The following CLUL1 variants were observed in gnomAD, a reference collection of about 807,000 sequenced individuals.
CLUL1 encodes the protein clusterin-like protein 1.
In CLUL1, 43 loss-of-function variants were observed where a neutral mutation model predicts 49.4. The observed-to-expected ratio is 0.87, with a 90% CI of 0.68 to 1.12. CLUL1 has a LOEUF of 1.12. CLUL1 is among the 50% of genes most tolerant of loss of function. The pLI is 0.00. For synonymous variants in CLUL1, 192 were observed against 184.9 expected (o/e 1.04, Z -0.31); for missense variants, 486 against 544.4 (o/e 0.89, Z 1.07).
chr18:636,720 G>C (rs1260994355), intron 7 of CLUL1, among the ~76,000 whole-genome samples: 1 of 147,628 alleles, frequency 6.8e-6, no homozygotes, highest in East Asian at 2.0e-4. Context: ...CCACTTCCCA[G>C]GTTCAAGTGA....
chr18:645,922 C>T (rs1279477254), intron 9 of CLUL1, among the ~76,000 whole-genome samples: 3 of 135,482 alleles, frequency 2.2e-5, no homozygotes, highest in African/African-American at 8.2e-5. Flanking sequence ...ACACTCAATA[C>T]ATTTTATGAA....
intron 7 of CLUL1, among the ~76,000 whole-genome samples, chr18:639,037 A>C (rs954301203): frequency 6.6e-6 from 1 of 152,200 alleles, no homozygotes; most frequent in African/African-American, 2.4e-5. Flanking sequence ...TCATGTGCCT[A>C]TATACATATA....
At chr18:601,508 G>C (rs578152240) in intron 1 of CLUL1, among the ~76,000 whole-genome samples, 2 of 152,104 alleles carry the variant, frequency 1.3e-5, no homozygotes, top group African/African-American at 4.8e-5. Context: ...TTAGTTGTGC[G>C]TGGTGAAGTG....
At chr18:600,422 A>G (rs1567952522) in intron 1 of CLUL1, among the ~76,000 whole-genome samples, 5 of 152,196 alleles carry the variant, frequency 3.3e-5, no homozygotes, top group African/African-American at 1.2e-4. Context: ...ATTGTTCTCA[A>G]CCATTTTCTC....
intron 7 of CLUL1, among the ~76,000 whole-genome samples, chr18:637,628 GCT>G (rs1394647334): frequency 6.6e-6 from 1 of 152,116 alleles, no homozygotes; most frequent in East Asian, 1.9e-4. Flanking sequence ...GCTCCAGGTA[GCT>G]CTGATTACAA....
At chr18:610,554 G>GGT (rs1294290784) in intron 2 of CLUL1, among the ~76,000 whole-genome samples, 1 of 152,142 alleles carries the variant, frequency 6.6e-6, no homozygotes, top group African/African-American at 2.4e-5. Flanking sequence ...TGTGGTTCCA[G>GGT]GTAACTTCAT....
At chr18:636,091 TATC>T (rs1215982696) in intron 7 of CLUL1, among the ~76,000 whole-genome samples, 4 of 152,204 alleles carry the variant, frequency 2.6e-5, no homozygotes, top group African/African-American at 9.7e-5. Flanking sequence ...GCTTTTAAAG[TATC>T]ATTAGATACA....
intron 7 of CLUL1, among the ~76,000 whole-genome samples, chr18:637,512 G>A (rs1279081010): frequency 6.6e-6 from 1 of 152,062 alleles, no homozygotes; most frequent in African/African-American, 2.4e-5. Context: ...CATCCCTCTT[G>A]TGCAAATTTT....
intron 2 of CLUL1, among the ~76,000 whole-genome samples, chr18:614,955 C>T (rs9946446): frequency 0.098 from 14,881 of 152,272 alleles, 972 homozygotes; most frequent in African/African-American, 0.18. Context: ...TATGGCCATG[C>T]ATCTAAGATG....
rs554080203 is a variant in CLUL1, at chr18:599,015, G to C, written c.-136+1886G>C. ...GAGAAATGAGTACAATTATTAGCTA[G>C]TACCATTCAACAAGCGCTAAAGATA... On this transcript the variant is annotated intron_variant, in intron 1 of 9. Transcript: ENST00000692774. Among the ~76,000 whole-genome samples, 8 of 152,196 alleles carry C rather than the reference G, an allele frequency of 5.3e-5. No individual in the cohort carries two copies. In the South Asian group the frequency reaches 8.3e-4, roughly 16 times the overall value.
At chr18:599,904 C>T (rs543539526) in intron 1 of CLUL1, among the ~76,000 whole-genome samples, 3 of 151,038 alleles carry the variant, frequency 2.0e-5, no homozygotes, top group African/African-American at 7.3e-5. Flanking sequence ...GCCGAGATCG[C>T]GCCACTGCAC....
intron 2 of CLUL1, among the ~76,000 whole-genome samples, chr18:608,776 C>T (rs577602688): frequency 1.3e-5 from 2 of 152,194 alleles, no homozygotes; most frequent in Non-Finnish European, 1.5e-5. Flanking sequence ...CAATCTGTCT[C>T]CTTTGGCCTG....
intron 5 of CLUL1, among the ~76,000 whole-genome samples, chr18:625,918 T>A (rs2073674587): frequency 6.6e-6 from 1 of 152,218 alleles, no homozygotes; most frequent in Admixed American, 6.5e-5. Context: ...AGAGCTACTG[T>A]CGCCTGCTAA....
At chr18:644,797 C>A in intron 8 of CLUL1, 113 bp from the exon 9 acceptor site, 1 of 683,266 alleles carries the variant, frequency 1.5e-6, no homozygotes, top group Non-Finnish European at 2.4e-6. Context: ...AATGCCAGGA[C>A]TAATCTGTTA....
intron 7 of CLUL1, among the ~76,000 whole-genome samples, chr18:634,498 C>A (rs1791476100): frequency 1.3e-5 from 2 of 151,926 alleles, no homozygotes; most frequent in South Asian, 4.1e-4. Flanking sequence ...CCTAATTGTT[C>A]TTGTGATTTT....
intron 2 of CLUL1, among the ~76,000 whole-genome samples, chr18:614,171 G>C (rs1013501597): frequency 1.3e-5 from 2 of 152,138 alleles, no homozygotes; most frequent in Admixed American, 1.3e-4. Flanking sequence ...GCCAACCTTT[G>C]CCTGCAAAGG....
At chr18:601,481 T>C (rs1008348402) in intron 1 of CLUL1, among the ~76,000 whole-genome samples, 18 of 152,062 alleles carry the variant, frequency 1.2e-4, no homozygotes, top group African/African-American at 4.3e-4. Context: ...GCCCTGTCTC[T>C]ACTAAAAATA....
intron 2 of CLUL1, chr18:613,314 T>G: frequency 2.8e-6 from 1 of 353,712 alleles, no homozygotes; most frequent in Non-Finnish European, 5.1e-6. Flanking sequence ...AATTTTTGTA[T>G]TTTTAGTAAA....
At position 618,781 on chromosome 18, in the gene CLUL1, G is replaced by A. The variant is rs1288997644; in HGVS notation, c.107-432G>A. Among the ~76,000 whole-genome samples the A allele has an allele frequency of 6.6e-6, 1 of 152,124 alleles. No individual in the cohort carries two copies. Among genetic ancestry groups the A allele is most frequent in the East Asian group, 1.9e-4 (1 of 5,200 alleles). The stretch of plus-strand genomic sequence containing the variant: ...CTCGTATTACATGGGATACTTTCTA[G>A]GTCTCGTGCCTCCTTATTAGGTAAC... On this transcript the variant is annotated intron_variant, in intron 3 of 9. Coordinates refer to ENST00000692774, the MANE Select transcript of CLUL1 (RefSeq NM_001393344.1). The surrounding 1 kb of genome is among the most constrained non-coding windows in gnomAD (Gnocchi z 4.2).
Sources: allele counts gnomAD v4.1 joint callset (sites outside exome capture counted in the v4.1 genomes callset), GRCh38; gene constraint gnomAD v4.1.1; non-coding constraint Gnocchi (gnomAD v3.1); transcripts MANE v1.5; gene names NCBI Gene and HGNC (gene_info 2026-07-23, HGNC 2026-07-21).